Variants in MARCHF6 observed in about 807,000 individuals in gnomAD.
MARCHF6 encodes the protein membrane associated ring-CH-type finger 6.
In MARCHF6, 31 loss-of-function variants were observed where a neutral mutation model predicts 133.7. The observed-to-expected ratio is 0.23, with a 90% CI of 0.17 to 0.31. The LOEUF is 0.31. MARCHF6 is among the 10% of genes least tolerant of loss of function. The probability of loss-of-function intolerance (pLI) is 1.00; values close to 1 mark genes in which losing one functional copy is unlikely to be tolerated. For missense variants in MARCHF6, 723 were observed against 1,121.6 expected, an observed-to-expected ratio of 0.64 and a Z score of 5.08; for synonymous variants, 395 against 402.5, an observed-to-expected ratio of 0.98 and a Z score of 0.22.
chr5:10,364,685 G>A (rs1230522182), intron 1 of MARCHF6, among the ~76,000 whole-genome samples: 1 of 152,138 alleles, frequency 6.6e-6, no homozygotes, highest in Admixed American at 6.5e-5. Flanking sequence ...ACAGCTGTTG[G>A]GCAGAATCTC....
At chr5:10,384,549 C>T (rs964138018) in intron 4 of MARCHF6, among the ~76,000 whole-genome samples, 4 of 152,176 alleles carry the variant, frequency 2.6e-5, no homozygotes, top group African/African-American at 9.7e-5. Flanking sequence ...ATGTGAGCAT[C>T]TGTTTATTTT....
intron 1 of MARCHF6, among the ~76,000 whole-genome samples, chr5:10,373,029 C>A (rs1736557915): frequency 6.6e-6 from 1 of 151,694 alleles, no homozygotes; most frequent in African/African-American, 2.4e-5. Context: ...CACTGCACTC[C>A]AGCCTGGGTG....
Position 10,415,607 on chromosome 5 carries a change from G to T in MARCHF6, c.2086G>T (p.Val696Leu), listed in dbSNP as rs1739459127. 1 of 1,614,160 alleles carries T rather than the reference G, an allele frequency of 6.2e-7. No individual in the cohort carries two copies. The highest frequency in any genetic ancestry group is 8.5e-7 in the Non-Finnish European group (1 of 1,180,014). Residue 696 changes from valine (V) to leucine (L), a missense_variant, in exon 21 of 26, where the codon GTG (valine) becomes TTG (leucine). Around this residue, in one of 4 missense-constraint regions of MARCHF6, gnomAD observed 492 missense variants for 699.5 expected, o/e 0.70. Transcript: ENST00000274140. ...WLTIRAVTVM[V>L]AWMPQGRRVI... ...AACCATAAGGGCTGTGACGGTGATGGTGGCATGGATGCCTCAGGGACGCAG... is the reference window on the plus strand; with the variant it reads ...AACCATAAGGGCTGTGACGGTGATGTTGGCATGGATGCCTCAGGGACGCAG...
intron 21 of MARCHF6, among the ~76,000 whole-genome samples, chr5:10,416,699 A>G (rs1216228375): frequency 6.6e-6 from 1 of 152,036 alleles, no homozygotes; most frequent in African/African-American, 2.4e-5. Context: ...GAATTTCATC[A>G]TTACTCTTTT....
intron 25 of MARCHF6, among the ~76,000 whole-genome samples, chr5:10,432,368 G>T (rs1261837710): frequency 6.6e-6 from 1 of 152,196 alleles, no homozygotes; most frequent in East Asian, 1.9e-4. Context: ...TCATGTGCAG[G>T]TTTCACTCTC....
chr5:10,429,499 A>G (rs967107548), intron 24 of MARCHF6, among the ~76,000 whole-genome samples: 2 of 151,792 alleles, frequency 1.3e-5, no homozygotes, highest in African/African-American at 2.4e-5. Flanking sequence ...CTCAGGTTCA[A>G]GCGATTCTCC....
intron 25 of MARCHF6, among the ~76,000 whole-genome samples, chr5:10,431,355 T>G (rs1740349177): frequency 6.6e-6 from 1 of 152,170 alleles, no homozygotes; most frequent in South Asian, 2.1e-4. Flanking sequence ...TCTACCTGCT[T>G]CTTTCTTTAT....
At chr5:10,368,887 GCAGTGAACTATGGTTGT>G (rs1736294441) in intron 1 of MARCHF6, among the ~76,000 whole-genome samples, 1 of 151,942 alleles carries the variant, frequency 6.6e-6, no homozygotes, top group South Asian at 2.1e-4. Flanking sequence ...GTTTGAGGCT[GCAGTGAACTATGGTTGT>G]GCCATTGCAC....
chr5:10,402,243 T>C, intron 12 of MARCHF6, 104 bp downstream of exon 12: 1 of 1,085,148 alleles, frequency 9.2e-7, no homozygotes, highest in Non-Finnish European at 1.4e-6. Context: ...TAGTAAAAGT[T>C]GTAGGTATTT....
intron 9 of MARCHF6, 127 bp from the exon 10 acceptor site, chr5:10,397,166 C>T (rs903802899): frequency 3.3e-6 from 2 of 608,280 alleles, no homozygotes; most frequent in Non-Finnish European, 5.5e-6. Flanking sequence ...AATCCCAAAA[C>T]AATAGAGGGA....
chr5:10,390,268 T>TA, intron 5 of MARCHF6, 64 bp from the exon 6 acceptor site: 1 of 1,406,360 alleles, frequency 7.1e-7, no homozygotes, highest in East Asian at 2.4e-5. Flanking sequence ...GAAAATTTTT[T>TA]ACCTTTGTTT....
intron 24 of MARCHF6, 143 bp from the exon 25 acceptor site, chr5:10,429,750 T>A (rs1445922337): frequency 1.5e-6 from 1 of 653,420 alleles, no homozygotes; most frequent in African/African-American, 1.8e-5. Flanking sequence ...GCTCATGACC[T>A]ACACAGATTG....
In MARCHF6 at chr5:10,430,807, G is replaced by A. The variant is rs1740327640; in HGVS notation, c.2642+779G>A. Among the ~76,000 whole-genome samples the A allele has an allele frequency of 2.0e-5, 3 of 152,192 alleles. No individual in the cohort carries two copies. In the South Asian group the frequency reaches 6.2e-4, roughly 31 times the overall value. On this transcript the variant is annotated intron_variant, in intron 25 of 25. Coordinates refer to ENST00000274140, the MANE Select transcript of MARCHF6 (RefSeq NM_005885.4). ...GAGGCTTGAGGGTTACTGCAAAAAT[G>A]TTGTGGGACTCTCTGTTTTGAGGAA...
chr5:10,377,831 C>G lies in MARCHF6; in HGVS notation c.53C>G (p.Pro18Arg). 2 of 1,613,362 alleles carry G rather than the reference C, an allele frequency of 1.2e-6. No homozygotes were observed. The highest frequency in any genetic ancestry group is 1.7e-6 in the Non-Finnish European group (2 of 1,179,442). ...ICRVCRSEGTPEKPLYHPCVC... is the reference protein window; with the variant it reads ...ICRVCRSEGTREKPLYHPCVC... ...AGAGTGTGTCGGTCAGAAGGAACAC[C>G]TGAGAAACCGCTTTATCATCCTTGT... Residue 18 changes from proline to arginine, a missense_variant, in exon 2 of 26, where the codon CCT becomes CGT. By Grantham distance (103) the Pro-to-Arg change is moderately radical. This residue lies in a region of MARCHF6 where 91 missense variants were observed against 208.8 expected (regional missense o/e 0.44). Coordinates refer to ENST00000274140, the MANE Select transcript of MARCHF6 (RefSeq NM_005885.4).
At chr5:10,389,434 A>G (rs1489075155) in intron 5 of MARCHF6, among the ~76,000 whole-genome samples, 1 of 151,868 alleles carries the variant, frequency 6.6e-6, no homozygotes, top group Admixed American at 6.6e-5. Flanking sequence ...ATGGAGTCTC[A>G]CTCTGTACCC....
Position 10,428,540 on chromosome 5 carries a change from C to T in MARCHF6, c.2507-1353C>T, listed in dbSNP as rs573488856. Among the ~76,000 whole-genome samples the T allele has an allele frequency of 2.6e-5, 4 of 152,076 alleles. No individual in the cohort carries two copies. In the South Asian group the frequency reaches 6.2e-4, roughly 24 times the overall value. ...TCTTTTTGTTAGAGACAGGGTTTCACCATGTTGGCCAGGCTGGTCTTGAAC... is the reference window on the plus strand; with the variant it reads ...TCTTTTTGTTAGAGACAGGGTTTCATCATGTTGGCCAGGCTGGTCTTGAAC... On this transcript the variant is annotated intron_variant, in intron 24 of 25. Transcript: ENST00000274140.
chr5:10,411,404 A>C lies in MARCHF6; in HGVS notation c.1763A>C (p.Asn588Thr), dbSNP rs758275605. The change falls in exon 19 of 26, where the codon AAT becomes ACT. Residue 588 changes from asparagine (N) to threonine (T), a missense_variant. By Grantham distance (65) the Asn-to-Thr change is moderately conservative. Around this residue, in one of 4 missense-constraint regions of MARCHF6, gnomAD observed 492 missense variants for 699.5 expected, o/e 0.70. Transcript: ENST00000274140. ...ENSANQQVNN[N>T]QHARNNNAIP... ...AGTGCAAATCAACAAGTTAACAATAATCAGCATGCTCGAAATAACAACGCT... is the reference window on the plus strand; with the variant it reads ...AGTGCAAATCAACAAGTTAACAATACTCAGCATGCTCGAAATAACAACGCT... The C allele has an allele frequency of 6.2e-7, 1 of 1,614,256 alleles. No homozygotes were observed. Among genetic ancestry groups the C allele is most frequent in the Non-Finnish European group, 8.5e-7 (1 of 1,180,042 alleles).
At chr5:10,391,449 T>C in intron 6 of MARCHF6, 93 bp from the exon 7 acceptor site, 1 of 537,700 alleles carries the variant, frequency 1.9e-6, no homozygotes, top group Non-Finnish European at 2.9e-6. Flanking sequence ...TTTTTTTTTT[T>C]TTTTTTTTTT....
rs1738255330 is a variant in MARCHF6 at position 10,397,357 on chromosome 5, T to C, written c.913+13T>C. The C allele has an allele frequency of 1.9e-6, 3 of 1,574,830 alleles. No homozygotes were observed. The East Asian group carries it at 6.8e-5, about 36-fold the overall frequency. Reference sequence around the variant, plus strand: ...ATTCTTGTTTTTGGTAAGTTGTGTTTGTGCTTTTTTTTTTTATAGTATTAT... The same window carrying C: ...ATTCTTGTTTTTGGTAAGTTGTGTTCGTGCTTTTTTTTTTTATAGTATTAT... On this transcript the variant is annotated intron_variant, in intron 10 of 25. Coordinates refer to ENST00000274140, the MANE Select transcript of MARCHF6 (RefSeq NM_005885.4).
Sources: gnomAD v4.1 joint callset for allele counts (sites outside exome capture counted in the v4.1 genomes callset) on GRCh38, gnomAD v4.1.1 for gene constraint, gnomAD v4.1.1 regional missense constraint, MANE v1.5 for transcripts, NCBI Gene and HGNC (gene_info 2026-07-23, HGNC 2026-07-21) for gene names.